Variants in LY96 observed in about 807,000 individuals in gnomAD.
LY96 encodes lymphocyte antigen 96.
In LY96, 18 loss-of-function variants were observed where a neutral mutation model predicts 18.9. The ratio of observed to expected loss-of-function variants is 0.95; its 90% CI spans 0.66 to 1.41. The LOEUF (loss-of-function observed/expected upper bound fraction) is 1.41. Among genes scored for constraint, LY96 ranks in the 40% most tolerant of loss-of-function variants. LY96 has a pLI of 0.00. For synonymous variants in LY96, 66 were observed against 62.6 expected, an observed-to-expected ratio of 1.06 and a Z score of -0.26; for missense variants, 175 against 182.4, an observed-to-expected ratio of 0.96 and a Z score of 0.23.
chr8:74,065,060 G>A, the LY96 span, among the ~76,000 whole-genome samples: 1 of 152,160 alleles, frequency 6.6e-6, no homozygotes, highest in African/African-American at 2.4e-5. Context: ...ATTTCCAACT[G>A]TGATGCCCAG....
the LY96 span, among the ~76,000 whole-genome samples, chr8:74,049,668 C>G: frequency 6.6e-6 from 1 of 152,140 alleles, no homozygotes; most frequent in Non-Finnish European, 1.5e-5. Flanking sequence ...AGGGCATTCA[C>G]GCAATTCTAC....
intron 3 of LY96, among the ~76,000 whole-genome samples, chr8:74,012,002 C>T (rs1032699241): frequency 1.6e-4 from 24 of 151,956 alleles, no homozygotes; most frequent in African/African-American, 5.8e-4. Context: ...TATCATCTTA[C>T]CCCAGCCAGA....
chr8:74,097,558 A>T, the LY96 span, among the ~76,000 whole-genome samples: 1 of 151,908 alleles, frequency 6.6e-6, no homozygotes, highest in Non-Finnish European at 1.5e-5. Flanking sequence ...AAAATGCAAA[A>T]ATTAGCTGGG....
At chr8:74,057,763 G>A in the LY96 span, among the ~76,000 whole-genome samples, 1 of 152,176 alleles carries the variant, frequency 6.6e-6, no homozygotes, top group Non-Finnish European at 1.5e-5. Flanking sequence ...ATGGCGACTT[G>A]GTAGCCAGGC....
the LY96 span, among the ~76,000 whole-genome samples, chr8:74,059,510 G>A: frequency 6.6e-6 from 1 of 152,106 alleles, no homozygotes; most frequent in Non-Finnish European, 1.5e-5. Context: ...AATTAGATCT[G>A]GGAACAGATT....
chr8:74,027,943 G>A (rs1188236022), intron 4 of LY96, among the ~76,000 whole-genome samples: 1 of 152,164 alleles, frequency 6.6e-6, no homozygotes, highest in African/African-American at 2.4e-5. Flanking sequence ...CAGACCCCCA[G>A]TAAACTTGGT....
chr8:74,064,661 G>A, the LY96 span, among the ~76,000 whole-genome samples: 2 of 152,028 alleles, frequency 1.3e-5, no homozygotes, highest in South Asian at 4.1e-4. Flanking sequence ...GTGGTGCCAG[G>A]CTTCCTATAC....
the LY96 span, among the ~76,000 whole-genome samples, chr8:74,088,152 A>AT: frequency 3.8e-4 from 58 of 151,356 alleles, no homozygotes; most frequent in South Asian, 5.0e-3. Flanking sequence ...ATAGAATAGA[A>AT]AAGAATAGAA....
chr8:74,076,492 A>G, the LY96 span, among the ~76,000 whole-genome samples: 1 of 151,432 alleles, frequency 6.6e-6, no homozygotes, highest in African/African-American at 2.4e-5. Flanking sequence ...CCCGGCTAAT[A>G]TTTTGTATTT....
the LY96 span, among the ~76,000 whole-genome samples, chr8:74,089,295 A>G: frequency 8.5e-5 from 13 of 152,206 alleles, no homozygotes; most frequent in African/African-American, 2.9e-4. Context: ...AAGACTGGCT[A>G]CATAATTTGT....
chr8:73,993,085 T>C (rs928711288), intron 1 of LY96, among the ~76,000 whole-genome samples: 5 of 151,638 alleles, frequency 3.3e-5, no homozygotes, highest in Admixed American at 2.6e-4. Flanking sequence ...ATGGTCTCAA[T>C]GTCCTGATCT....
the LY96 span, among the ~76,000 whole-genome samples, chr8:74,043,242 G>GT: frequency 0.022 from 3,407 of 152,316 alleles, 74 homozygotes; most frequent in Middle Eastern, 0.082. Context: ...AGGAACAGGG[G>GT]TAGGGAGGTG....
At chr8:74,040,829 C>T in the LY96 span, among the ~76,000 whole-genome samples, 8 of 151,414 alleles carry the variant, frequency 5.3e-5, no homozygotes, top group Non-Finnish European at 8.8e-5. Context: ...CAGCCTCCCA[C>T]GTAGCTAGGA....
intron 2 of LY96, among the ~76,000 whole-genome samples, chr8:74,006,545 A>T (rs1292017138): frequency 6.6e-6 from 1 of 152,176 alleles, no homozygotes; most frequent in Non-Finnish European, 1.5e-5. Context: ...GCAATAGGAG[A>T]GACAGAACTG....
chr8:74,025,878 G>A (rs1046046364), intron 3 of LY96, among the ~76,000 whole-genome samples: 4 of 151,970 alleles, frequency 2.6e-5, no homozygotes, highest in African/African-American at 7.3e-5. Flanking sequence ...TGTGGTGGCA[G>A]GCGCCTGTAA....
At chr8:74,050,341 T>C in the LY96 span, among the ~76,000 whole-genome samples, 1 of 151,596 alleles carries the variant, frequency 6.6e-6, no homozygotes, top group African/African-American at 2.4e-5. Context: ...AGACTCTATC[T>C]CGATTAAAAA....
intron 2 of LY96, 56 bp from the exon 3 acceptor site, chr8:74,009,945 A>C: frequency 8.0e-7 from 1 of 1,257,724 alleles, no homozygotes; most frequent in Non-Finnish European, 1.2e-6. Context: ...AATGTTAATT[A>C]CTATGTATAA....
At chr8:74,046,129 A>G in the LY96 span, among the ~76,000 whole-genome samples, 1 of 152,168 alleles carries the variant, frequency 6.6e-6, no homozygotes, top group East Asian at 1.9e-4. Context: ...AAATACAAAA[A>G]TTAGCTGGGT....
At chr8:74,050,304 C>T in the LY96 span, among the ~76,000 whole-genome samples, 1 of 151,938 alleles carries the variant, frequency 6.6e-6, no homozygotes, top group East Asian at 1.9e-4. Context: ...GATAGCACCA[C>T]TGTACTTCAG....
Sources: gnomAD v4.1 joint callset for allele counts (sites outside exome capture counted in the v4.1 genomes callset) on GRCh38, gnomAD v4.1.1 for gene constraint, MANE v1.5 for transcripts, NCBI Gene and HGNC (gene_info 2026-07-23, HGNC 2026-07-21) for gene names.